Variants in RPS6KB1 observed in about 807,000 individuals in gnomAD.
RPS6KB1 encodes the protein ribosomal protein S6 kinase beta-1.
Under a neutral mutation model 70.2 loss-of-function variants are expected in RPS6KB1, and 12 were observed. The ratio of observed to expected loss-of-function variants is 0.17; its 90% CI spans 0.11 to 0.28. RPS6KB1 has a LOEUF of 0.28. Among genes scored for constraint, RPS6KB1 ranks in the 10% least tolerant of loss-of-function variants. RPS6KB1 has a pLI of 1.00. For synonymous variants in RPS6KB1, 175 were observed against 211.2 expected (o/e 0.83, Z 1.49); for missense variants, 270 against 646.6 (o/e 0.42, Z 6.32).
intron 12 of RPS6KB1, among the ~76,000 whole-genome samples, chr17:59,938,162 T>TTTTC (rs1301293333): frequency 2.9e-5 from 4 of 136,040 alleles, no homozygotes; most frequent in African/African-American, 1.1e-4. Context: ...TTCCTTTTTC[T>TTTTC]TTTCTTTCTT....
intron 1 of RPS6KB1, among the ~76,000 whole-genome samples, chr17:59,904,822 G>C (rs1404218820): frequency 6.7e-6 from 1 of 149,770 alleles, no homozygotes. Context: ...TCAGCCTCCC[G>C]AGTAGCTGGG....
intron 4 of RPS6KB1, among the ~76,000 whole-genome samples, chr17:59,921,146 T>C (rs1243366372): frequency 6.6e-6 from 1 of 152,150 alleles, no homozygotes; most frequent in Admixed American, 6.6e-5. Context: ...TTGTTTTTTT[T>C]CCCCACTCAT....
Position 59,937,691 on chromosome 17 carries a change from T to C in RPS6KB1, c.1119+1150T>C, listed in dbSNP as rs1296705790. 2.6e-5 allele frequency among the ~76,000 whole-genome samples: 4 copies of C among 152,210 alleles called. No homozygotes were observed. The East Asian group carries it at 7.7e-4, about 29-fold the overall frequency. ...ACCAGGCATATTGGATTAGGGTTCC[T>C]CTCTACTCCAGTAGGACCTCATCTT... On this transcript the variant is annotated intron_variant, in intron 12 of 14. Transcript: ENST00000225577.
chr17:59,915,787 T>A (rs1158188555), intron 4 of RPS6KB1, among the ~76,000 whole-genome samples: 25 of 128,522 alleles, frequency 1.9e-4, no homozygotes, highest in African/African-American at 7.3e-4. Flanking sequence ...TTTTTTTTTT[T>A]TTTTTTTTTT....
chr17:59,925,598 G>A (rs973227536), intron 4 of RPS6KB1, among the ~76,000 whole-genome samples: 2 of 151,586 alleles, frequency 1.3e-5, no homozygotes, highest in African/African-American at 2.4e-5. Context: ...GCTACTAGAT[G>A]TGTCTTTCAT....
intron 13 of RPS6KB1, among the ~76,000 whole-genome samples, chr17:59,941,824 G>A (rs1333894193): frequency 6.7e-6 from 1 of 150,320 alleles, no homozygotes; most frequent in Non-Finnish European, 1.5e-5. Context: ...AGTAGAGACA[G>A]GGTTTCACCA....
At chr17:59,910,304 A>G (rs1432361590) in intron 1 of RPS6KB1, among the ~76,000 whole-genome samples, 1 of 152,074 alleles carries the variant, frequency 6.6e-6, no homozygotes, top group East Asian at 1.9e-4. Flanking sequence ...ATACCCCTTC[A>G]TAGCTATTGA....
At position 59,949,892 on chromosome 17, in the gene RPS6KB1, A is replaced by T. The variant is rs2045122342; in HGVS notation, c.*3104A>T. ...ATATTTAATATAGGACCTATTTTGA[A>T]TATTCAGTTAATCATATGGTTCCTA... On this transcript the variant is annotated 3_prime_UTR_variant, in exon 15 of 15. Transcript: ENST00000225577. 6.6e-6 allele frequency: 1 copy of T among 152,520 alleles called. No individual in the cohort carries two copies. Among genetic ancestry groups the T allele is most frequent in the Non-Finnish European group, 1.5e-5 (1 of 67,954 alleles). 9.4% of individuals were successfully genotyped at this position (152,520 alleles called of 1,614,324 possible).
chr17:59,905,162 T>TGTGC (rs2042192371), intron 1 of RPS6KB1, among the ~76,000 whole-genome samples: 1 of 151,558 alleles, frequency 6.6e-6, no homozygotes. Context: ...GGACTGCAGA[T>TGTGC]GTGCGCCACT....
chr17:59,918,133 A>G (rs1411835232), intron 4 of RPS6KB1, among the ~76,000 whole-genome samples: 2 of 151,688 alleles, frequency 1.3e-5, no homozygotes, highest in Non-Finnish European at 2.9e-5. Flanking sequence ...GGGTTCCTCC[A>G]TGTTGGTCAG....
chr17:59,935,354 C>T (rs957044517), intron 10 of RPS6KB1, 54 bp downstream of exon 10: 40 of 940,604 alleles, frequency 4.3e-5, no homozygotes, highest in Non-Finnish European at 6.1e-5. Flanking sequence ...TAGGATTTAA[C>T]TAGATAGAAT....
rs1175095726 is a variant in RPS6KB1, at chr17:59,943,898, A to G, written c.1228-1508A>G. On this transcript the variant is annotated intron_variant, in intron 13 of 14. Coordinates refer to ENST00000225577, the MANE Select transcript of RPS6KB1 (RefSeq NM_003161.4). The stretch of plus-strand genomic sequence containing the variant: ...CAAAAAAAAAAAAAAAATTATATAT[A>G]TATATATACACATATATATATATAC... Among the ~76,000 whole-genome samples the G allele has an allele frequency of 2.2e-5, 3 of 138,430 alleles. No homozygotes were observed. The Admixed American group carries it at 2.2e-4, about 10-fold the overall frequency. The allele number at this position is 138,430 out of a possible 152,430, so 90.8% of individuals were successfully genotyped here.
At chr17:59,922,996 C>A (rs1465694719) in intron 4 of RPS6KB1, among the ~76,000 whole-genome samples, 1 of 148,306 alleles carries the variant, frequency 6.7e-6, no homozygotes, top group Non-Finnish European at 1.5e-5. Flanking sequence ...CCTCCTGAGT[C>A]GCTGGGATAG....
intron 4 of RPS6KB1, among the ~76,000 whole-genome samples, chr17:59,915,347 C>G (rs1323981003): frequency 1.3e-5 from 2 of 152,036 alleles, no homozygotes; most frequent in African/African-American, 4.8e-5. Flanking sequence ...TGTTTCATTA[C>G]TGTTATTCCT....
intron 13 of RPS6KB1, among the ~76,000 whole-genome samples, chr17:59,942,148 ACG>A (rs1568505319): frequency 6.6e-6 from 1 of 151,680 alleles, no homozygotes; most frequent in African/African-American, 2.4e-5. Flanking sequence ...GTAAGCCACC[ACG>A]CCCAGTCGAT....
intron 5 of RPS6KB1, among the ~76,000 whole-genome samples, chr17:59,927,890 T>C (rs2043708251): frequency 1.3e-5 from 2 of 151,098 alleles, no homozygotes; most frequent in Admixed American, 6.6e-5. Flanking sequence ...CCAGGCTCAG[T>C]GGCTCATGCC....
chr17:59,942,774 G>A (rs2044689097), intron 13 of RPS6KB1, among the ~76,000 whole-genome samples: 1 of 152,094 alleles, frequency 6.6e-6, no homozygotes, highest in Admixed American at 6.6e-5. Flanking sequence ...GAGGTCAGGA[G>A]TTCAAGACCA....
Position 59,909,108 on chromosome 17 carries a change from A to G in RPS6KB1, c.142-1454A>G, listed in dbSNP as rs369758036. 5.6e-5 allele frequency among the ~76,000 whole-genome samples: 8 copies of G among 143,464 alleles called. No homozygotes were observed. In the East Asian group the frequency reaches 1.3e-3, roughly 23 times the overall value. 94.1% of individuals were successfully genotyped at this position (143,464 alleles called of 152,430 possible). On this transcript the variant is annotated intron_variant, in intron 1 of 14. Coordinates refer to ENST00000225577, the MANE Select transcript of RPS6KB1 (RefSeq NM_003161.4). ...CGGCCGACTAATTTTGTATTTTTTTAGTAGAGATGGGGTTTCTCCATATTG... is the reference window on the plus strand; with the variant it reads ...CGGCCGACTAATTTTGTATTTTTTTGGTAGAGATGGGGTTTCTCCATATTG...
chr17:59,916,162 G>T (rs558963180), intron 4 of RPS6KB1, among the ~76,000 whole-genome samples: 24 of 151,390 alleles, frequency 1.6e-4, no homozygotes, highest in Non-Finnish European at 1.8e-4. Flanking sequence ...GTGCAGTGGC[G>T]TGATCTCAGC....
Sources: allele counts gnomAD v4.1 joint callset (sites outside exome capture counted in the v4.1 genomes callset), GRCh38; gene constraint gnomAD v4.1.1; transcripts MANE v1.5; gene names NCBI Gene and HGNC (gene_info 2026-07-23, HGNC 2026-07-21).